Variants in JAKMIP3 observed in about 807,000 individuals in gnomAD.
The protein encoded by JAKMIP3 is janus kinase and microtubule-interacting protein 3.
In JAKMIP3, 58 loss-of-function variants were observed where a neutral mutation model predicts 118.5. The observed-to-expected ratio is 0.49, with a 90% CI of 0.40 to 0.61. The LOEUF (loss-of-function observed/expected upper bound fraction) is 0.61. Ranked by LOEUF, JAKMIP3 falls within the 20% of genes least tolerant of loss-of-function variation. The pLI, the probability that JAKMIP3 is intolerant of heterozygous loss-of-function variation, is 0.00. For synonymous variants in JAKMIP3, 486 were observed against 451.2 expected, an observed-to-expected ratio of 1.08 and a Z score of -0.98; for missense variants, 950 against 1,109.0, an observed-to-expected ratio of 0.86 and a Z score of 2.04.
rs11146225 is a variant in JAKMIP3 at position 132,167,169 on chromosome 10, G to A, written c.*22+114G>A. 2.0e-3 allele frequency: 1,478 copies of A among 744,458 alleles called. 18 individuals carry two copies. The African/African-American group carries it at 0.022, about 11-fold the overall frequency. 46.1% of individuals were successfully genotyped at this position (744,458 alleles called of 1,614,324 possible). ...CCTGCCATTCGATCAACTGGAAGGC[G>A]ATGACCCAGCATCCCCAAAAGGGTT... On this transcript the variant is annotated intron_variant, in intron 22 of 23. Transcript: ENST00000684848.
intron 1 of JAKMIP3, among the ~76,000 whole-genome samples, chr10:132,042,644 C>G (rs1233048223): frequency 6.6e-6 from 1 of 152,156 alleles, no homozygotes; most frequent in Admixed American, 6.5e-5. Flanking sequence ...AGGGCTGGAG[C>G]CTGTGTCCTC....
chr10:132,152,077 G>C (rs890260357), intron 16 of JAKMIP3, among the ~76,000 whole-genome samples: 1 of 152,212 alleles, frequency 6.6e-6, no homozygotes, highest in African/African-American at 2.4e-5. Flanking sequence ...CATGGGAGAA[G>C]GGAGCAGGGC....
At chr10:132,095,704 G>T (rs111960169) in intron 1 of JAKMIP3, among the ~76,000 whole-genome samples, 4,270 of 152,336 alleles carry the variant, frequency 0.028, 93 homozygotes, top group South Asian at 0.12. Context: ...CCATCTGAGT[G>T]GGAACTGCAA....
intron 1 of JAKMIP3, among the ~76,000 whole-genome samples, chr10:132,079,098 G>A (rs2041349459): frequency 7.2e-6 from 1 of 138,550 alleles, no homozygotes; most frequent in South Asian, 2.7e-4. Context: ...AGCTGCCGAG[G>A]CCTGGGCCCG....
intron 23 of JAKMIP3, among the ~76,000 whole-genome samples, chr10:132,180,742 C>CGCGCGTGTGTGT (rs1412152341): frequency 1.1e-4 from 1 of 8,716 alleles, no homozygotes; most frequent in African/African-American, 5.8e-4. Flanking sequence ...TGTGTGCGTG[C>CGCGCGTGTGTGT]GTGCGCGCGC....
At chr10:132,038,934 CGGGATGGGCT>C (rs2037616761) in intron 1 of JAKMIP3, among the ~76,000 whole-genome samples, 2 of 152,132 alleles carry the variant, frequency 1.3e-5, no homozygotes, top group Non-Finnish European at 1.5e-5. Flanking sequence ...AGGAGAAGCC[CGGGATGGGCT>C]GGGAAGAGCT....
At chr10:132,171,652 CT>C (rs34371364) in intron 23 of JAKMIP3, among the ~76,000 whole-genome samples, 22,277 of 134,966 alleles carry the variant, frequency 0.17, 1,460 homozygotes, top group Middle Eastern at 0.23. Flanking sequence ...TTTTTTCTTT[CT>C]TTTTTTTTTT....
intron 1 of JAKMIP3, among the ~76,000 whole-genome samples, chr10:132,086,341 G>A (rs2042393819): frequency 6.6e-6 from 1 of 152,158 alleles, no homozygotes; most frequent in African/African-American, 2.4e-5. Context: ...TGCAGTCGTT[G>A]GGTAGAATGT....
At position 132,137,234 on chromosome 10, in the gene JAKMIP3, A is replaced by G. The variant is rs1334074090; in HGVS notation, c.1249-20A>G. 7.4e-6 allele frequency: 12 copies of G among 1,613,868 alleles called. No individual in the cohort carries two copies. The highest frequency in any genetic ancestry group is 2.2e-5 in the East Asian group (1 of 44,874). On this transcript the variant is annotated intron_variant, in intron 7 of 23. Transcript: ENST00000684848. ...CAGGGACCCTGAGCAATTCCGTAAC[A>G]TGCTGTCTTCCTTTCCTAGACCCTT...
chr10:132,054,784 G>A (rs1204604786), intron 1 of JAKMIP3, among the ~76,000 whole-genome samples: 1 of 152,214 alleles, frequency 6.6e-6, no homozygotes, highest in Non-Finnish European at 1.5e-5. Context: ...TGGGCTCGGG[G>A]ACAGCTGCCC....
intron 1 of JAKMIP3, among the ~76,000 whole-genome samples, chr10:132,090,490 A>G (rs973733841): frequency 1.3e-5 from 2 of 152,054 alleles, no homozygotes; most frequent in African/African-American, 4.8e-5. Flanking sequence ...TTTCTAGTTT[A>G]TTTGCGTAGA....
intron 1 of JAKMIP3, among the ~76,000 whole-genome samples, chr10:132,101,531 A>C (rs535341196): frequency 2.0e-5 from 3 of 152,204 alleles, no homozygotes; most frequent in Non-Finnish European, 2.9e-5. Context: ...TAGCAAAACT[A>C]TGGGAACGAC....
chr10:132,081,566 G>A (rs749356629), intron 1 of JAKMIP3, among the ~76,000 whole-genome samples: 24 of 152,142 alleles, frequency 1.6e-4, no homozygotes, highest in Admixed American at 6.5e-4. Flanking sequence ...CCCAGTGCCC[G>A]CATCTTTACT....
At chr10:132,155,167 GGTA>G (rs1216070927) in intron 19 of JAKMIP3, among the ~76,000 whole-genome samples, 4 of 146,306 alleles carry the variant, frequency 2.7e-5, no homozygotes, top group African/African-American at 5.1e-5. Context: ...TGACAGTGGT[GGTA>G]GTGGTGGTGA....
At chr10:132,177,892 C>CGT (rs1001640921) in intron 23 of JAKMIP3, among the ~76,000 whole-genome samples, 2 of 111,696 alleles carry the variant, frequency 1.8e-5, no homozygotes, top group Non-Finnish European at 3.6e-5. Context: ...CTGGGTAGTG[C>CGT]GTGTGTGTGC....
At position 132,163,376 on chromosome 10, in the gene JAKMIP3, G is replaced by T; in HGVS notation, c.2388G>T (p.Leu796=). 6.2e-7 allele frequency: 1 copy of T among 1,606,622 alleles called. No homozygotes were observed. Among genetic ancestry groups the T allele is most frequent in the South Asian group, 1.1e-5 (1 of 90,388 alleles). ...SELRERDAQI[L]RERMELLQLA... ...TGCGCGAGCGGGACGCCCAGATCCT[G>T]CGGGAGCGCATGGAGCTGCTGCAGC... Residue 796 remains leucine, a synonymous_variant, in exon 20 of 24, where the codon CTG becomes CTT. Transcript: ENST00000684848.
At chr10:132,181,292 C>T (rs528203801) in intron 23 of JAKMIP3, 20 of 152,282 alleles carry the variant, frequency 1.3e-4, no homozygotes, top group African/African-American at 3.9e-4. Flanking sequence ...TTCAACAAGA[C>T]CTCTGTTCTC....
intron 9 of JAKMIP3, among the ~76,000 whole-genome samples, chr10:132,139,421 T>C (rs2256124): frequency 0.72 from 99,007 of 138,142 alleles, 36,379 homozygotes; most frequent in East Asian, 0.87. Context: ...TGTGAGTGTG[T>C]GTGTGTGTTT....
In JAKMIP3 at chr10:132,180,646, CGTGTGCGTGTGCGTGTGTGCGT is replaced by C. The variant is rs1383987325; in HGVS notation, c.*1104-1705_*1104-1684del. Among the ~76,000 whole-genome samples, 4 of 8,314 alleles carry C rather than the reference CGTGTGCGTGTGCGTGTGTGCGT, an allele frequency of 4.8e-4. 1 individual carries two copies. Among genetic ancestry groups the C allele is most frequent in the South Asian group, 5.3e-3 (1 of 188 alleles). 5.5% of individuals were successfully genotyped at this position (8,314 alleles called of 152,430 possible). A position where few individuals can be genotyped will look rare whatever the true frequency, so the allele number is the denominator to read the frequency against. ...GTGTGCGTGTGTGCGTGCGTGTGTG[CGTGTGCGTGTGCGTGTGTGCGT>C]GTGTGTGCGCGCGCGTGTGTGTGCG... On this transcript the variant is annotated intron_variant, in intron 23 of 23. Coordinates refer to ENST00000684848, the MANE Select transcript of JAKMIP3 (RefSeq NM_001323087.2).
Sources: allele counts gnomAD v4.1 joint callset (sites outside exome capture counted in the v4.1 genomes callset), GRCh38; gene constraint gnomAD v4.1.1; transcripts MANE v1.5; gene names NCBI Gene and HGNC (gene_info 2026-07-23, HGNC 2026-07-21).